Variants in GPM6B observed in about 807,000 individuals in gnomAD.
The protein encoded by GPM6B is neuronal membrane glycoprotein M6-b.
GPM6B carries 4 observed loss-of-function variants against 27.2 expected under a neutral mutation model. The observed-to-expected ratio is 0.15, with a 90% CI of 0.07 to 0.34. The LOEUF (loss-of-function observed/expected upper bound fraction) is 0.34, where lower values mean the gene tolerates loss of function less well. GPM6B is among the 10% of genes least tolerant of loss of function. GPM6B has a pLI of 1.00. For missense variants in GPM6B, 183 were observed against 261.9 expected, an observed-to-expected ratio of 0.70 and a Z score of 2.08; for synonymous variants, 124 against 103.1, an observed-to-expected ratio of 1.20 and a Z score of -1.23.
intron 1 of GPM6B, among the ~76,000 whole-genome samples, chrX:13,922,149 A>C (rs1334316334): frequency 9.0e-6 from 1 of 111,142 alleles, no homozygotes; most frequent in Non-Finnish European, 1.9e-5. Context: ...CCTCACTTCA[A>C]AACTCAGTCT....
intron 2 of GPM6B, among the ~76,000 whole-genome samples, chrX:13,799,081 G>T (rs2048868734): frequency 1.8e-5 from 2 of 110,849 alleles, no homozygotes; most frequent in South Asian, 7.6e-4. Flanking sequence ...TTCCTTCCAG[G>T]GTTCTACTGT....
At chrX:13,792,385 C>T (rs1004939731) in intron 2 of GPM6B, among the ~76,000 whole-genome samples, 3 of 111,719 alleles carry the variant, frequency 2.7e-5, no homozygotes, top group Admixed American at 9.5e-5. Context: ...ACATCTACAT[C>T]GTTTAGACCA....
At chrX:13,910,508 C>T (rs1396787040) in intron 1 of GPM6B, among the ~76,000 whole-genome samples, 1 of 113,274 alleles carries the variant, frequency 8.8e-6, no homozygotes, top group African/African-American at 3.2e-5. Flanking sequence ...AGTTAAACCA[C>T]CCCACTGAAA....
upstream of GPM6B, among the ~76,000 whole-genome samples, chrX:13,818,397 A>G (rs1248571871): frequency 1.8e-5 from 2 of 112,266 alleles, no homozygotes; most frequent in Non-Finnish European, 3.8e-5. Context: ...AACTCCTTGA[A>G]AAAAAAGTAT....
chrX:13,785,950 C>T (rs1312433865), intron 2 of GPM6B, 142 bp from the exon 3 acceptor site: 2 of 481,806 alleles, frequency 4.2e-6, no homozygotes, highest in African/African-American at 4.8e-5. Flanking sequence ...CTTCGACATC[C>T]CAAGGGCCAG....
chrX:13,910,988 G>T (rs1221867749), intron 1 of GPM6B, among the ~76,000 whole-genome samples: 1 of 111,796 alleles, frequency 8.9e-6, no homozygotes, highest in Non-Finnish European at 1.9e-5. Flanking sequence ...TTTTCCATGG[G>T]CCAGGAATTG....
intron 1 of GPM6B, among the ~76,000 whole-genome samples, chrX:13,930,342 C>T (rs1005116734): frequency 9.9e-5 from 11 of 111,672 alleles, no homozygotes; most frequent in Non-Finnish European, 1.3e-4. Context: ...AGGCCGGGCA[C>T]GGTGGCTCAC....
At position 13,822,896 on chromosome X, in the gene GPM6B, CAG is replaced by C. The variant is rs200880427; in HGVS notation, c.-197-37090_-197-37089del. The stretch of plus-strand genomic sequence containing the variant: ...AAAATGCTGCATACATTTAAAAACA[CAG>C]AAACTGGACACATAGCATGGAGCCA... On this transcript the variant is annotated intron_variant, in intron 1 of 6. Coordinates refer to the GPM6B transcript ENST00000398361. Among the ~76,000 whole-genome samples the C allele has an allele frequency of 3.9e-3, 439 of 112,044 alleles. 1 individual carries two copies. Among genetic ancestry groups the C allele is most frequent in the South Asian group, 0.024 (64 of 2,670 alleles).
chrX:13,841,102 CCACA>C (rs370580654), intron 1 of GPM6B, among the ~76,000 whole-genome samples: 2,124 of 111,653 alleles, frequency 0.019, 58 homozygotes, highest in African/African-American at 0.066. Flanking sequence ...GCACATGTGC[CCACA>C]CATACACATT....
At chrX:13,822,039 G>A (rs1027983278), upstream of GPM6B, among the ~76,000 whole-genome samples, 14 of 111,762 alleles carry the variant, frequency 1.3e-4, no homozygotes, top group African/African-American at 3.9e-4. Context: ...AACTTTCTAG[G>A]ATGATATTTT....
chrX:13,798,812 G>T (rs370750013), intron 2 of GPM6B, among the ~76,000 whole-genome samples: 1 of 112,567 alleles, frequency 8.9e-6, no homozygotes, highest in African/African-American at 3.2e-5. Context: ...CTTTGTTGGG[G>T]AGGGGCCGTC....
intron 4 of GPM6B, 32 bp from the exon 5 acceptor site, chrX:13,780,021 A>G (rs771802631): frequency 8.9e-7 from 1 of 1,123,526 alleles, no homozygotes. Context: ...GACAATCATC[A>G]CTGAAACAGG....
upstream of GPM6B, among the ~76,000 whole-genome samples, chrX:13,819,231 A>T (rs2049281271): frequency 8.9e-6 from 1 of 112,541 alleles, no homozygotes; most frequent in Non-Finnish European, 1.9e-5. Context: ...TTTCACTAGG[A>T]TAATGTATTA....
At chrX:13,841,397 G>C (rs1404035098) in intron 1 of GPM6B, among the ~76,000 whole-genome samples, 1 of 111,792 alleles carries the variant, frequency 8.9e-6, no homozygotes, top group Non-Finnish European at 1.9e-5. Context: ...CATCCCTCTG[G>C]ATGTCTGTAT....
chrX:13,860,234 G>A (rs950520627), intron 1 of GPM6B, among the ~76,000 whole-genome samples: 2 of 112,147 alleles, frequency 1.8e-5, no homozygotes, highest in Admixed American at 9.5e-5. Flanking sequence ...TTTCTCCTTT[G>A]AGATATTTTA....
chrX:13,828,363 G>T (rs919931042), intron 1 of GPM6B, among the ~76,000 whole-genome samples: 5 of 110,939 alleles, frequency 4.5e-5, no homozygotes, highest in Admixed American at 9.6e-5. Flanking sequence ...ACCTGAGTTA[G>T]CACACTCAGC....
intron 2 of GPM6B, among the ~76,000 whole-genome samples, chrX:13,786,366 TCAAA>T (rs777028438): frequency 8.9e-6 from 1 of 111,968 alleles, no homozygotes; most frequent in Non-Finnish European, 1.9e-5. Context: ...GTCGCCAGGT[TCAAA>T]CAAATAGCAA....
intron 1 of GPM6B, among the ~76,000 whole-genome samples, chrX:13,824,050 G>A (rs1386938287): frequency 3.6e-5 from 4 of 111,840 alleles, no homozygotes; most frequent in East Asian, 5.6e-4. Context: ...TCCTCTCCTC[G>A]CTCTTAAATC....
At position 13,777,348 on chromosome X, in the gene GPM6B, T is replaced by G. The variant is rs201536981; in HGVS notation, c.771+4A>C. 1 of 1,185,098 alleles carries G rather than the reference T, an allele frequency of 8.4e-7. No homozygotes were observed. Among genetic ancestry groups the G allele is most frequent in the Admixed American group, 2.2e-5 (1 of 45,824 alleles). On this transcript the variant is annotated splice_donor_region_variant and intron_variant, in intron 6 of 7. Transcript: ENST00000316715. ...AGGGTTATTCTGAACTGTGATGAGT[T>G]TACCTCGTTTGTGTTGCAGATGTTC...
Sources: allele counts gnomAD v4.1 joint callset (sites outside exome capture counted in the v4.1 genomes callset), GRCh38; gene constraint gnomAD v4.1.1; transcripts MANE v1.5; gene names NCBI Gene and HGNC (gene_info 2026-07-23, HGNC 2026-07-21).